Variants in TBC1D1 observed in about 807,000 individuals in gnomAD.
TBC1D1 encodes the protein TBC1 (tre-2/USP6, BUB2, cdc16) domain family, member 1.
Under a neutral mutation model 125.6 loss-of-function variants are expected in TBC1D1, and 89 were observed. The ratio of observed to expected loss-of-function variants is 0.71; its 90% CI spans 0.60 to 0.85. The LOEUF (loss-of-function observed/expected upper bound fraction) is 0.85, where lower values mean the gene tolerates loss of function less well. Among genes scored for constraint, TBC1D1 ranks in the 40% least tolerant of loss-of-function variants. The pLI is 0.00. For missense variants in TBC1D1, 1,377 were observed against 1,469.2 expected (o/e 0.94, Z 1.03); for synonymous variants, 565 against 564.1 (o/e 1.00, Z -0.02).
intron 8 of TBC1D1, among the ~76,000 whole-genome samples, chr4:38,041,249 A>T (rs1383235872): frequency 6.6e-6 from 1 of 152,272 alleles, no homozygotes; most frequent in Non-Finnish European, 1.5e-5. Context: ...ACCTAACAGC[A>T]GTAGAATGAG....
chr4:38,133,733 T>C (rs150175734), intron 19 of TBC1D1, among the ~76,000 whole-genome samples: 139 of 152,320 alleles, frequency 9.1e-4, no homozygotes, highest in African/African-American at 3.1e-3. Flanking sequence ...TACAAAGATT[T>C]GATTAATGAA....
At chr4:38,045,961 A>G (rs1749361899) in intron 10 of TBC1D1, 58 bp downstream of exon 10, 2 of 1,449,460 alleles carry the variant, frequency 1.4e-6, no homozygotes, top group Middle Eastern at 1.7e-4. Context: ...GGTCTTGCTC[A>G]TCTCCTGTCT....
chr4:38,128,943 G>A (rs12504099), intron 18 of TBC1D1, among the ~76,000 whole-genome samples: 31,384 of 152,150 alleles, frequency 0.21, 3,522 homozygotes, highest in Non-Finnish European at 0.24. Flanking sequence ...GGAAGAAAAA[G>A]AGGAAGGGTG....
chr4:38,051,983 C>T (rs546203555), intron 11 of TBC1D1: 52 of 1,550,908 alleles, frequency 3.4e-5, no homozygotes, highest in South Asian at 2.3e-4. Flanking sequence ...TTAACCCCTC[C>T]GCCTCCTCGC....
chr4:38,090,276 CTG>C (rs1374111343), intron 13 of TBC1D1, among the ~76,000 whole-genome samples, 159 bp downstream of exon 15: 3 of 152,212 alleles, frequency 2.0e-5, no homozygotes, highest in African/African-American at 7.2e-5. Flanking sequence ...AATATTAACA[CTG>C]TTTACTTTCT....
chr4:38,110,224 G>T (rs1466272030), intron 15 of TBC1D1: 1 of 985,322 alleles, frequency 1.0e-6, no homozygotes, highest in Non-Finnish European at 1.2e-6. Context: ...CTTGAGATGG[G>T]ATGGGGTTTC....
chr4:38,007,419 A>AT (rs1224528222), intron 2 of TBC1D1, among the ~76,000 whole-genome samples: 1 of 151,748 alleles, frequency 6.6e-6, no homozygotes, highest in Admixed American at 6.6e-5. Flanking sequence ...CGCCTGGTTA[A>AT]TTTTTGTATC....
Position 38,014,646 on chromosome 4 carries a change from C to T in TBC1D1, c.555C>T (p.His185=). 1 of 1,613,312 alleles carries T rather than the reference C, an allele frequency of 6.2e-7. No individual in the cohort carries two copies. Among genetic ancestry groups the T allele is most frequent in the Non-Finnish European group, 8.5e-7 (1 of 1,180,028 alleles). Residue 185 remains histidine (H), a synonymous_variant, in exon 3 of 20, where the codon CAC becomes CAT. Coordinates refer to ENST00000261439, the MANE Select transcript of TBC1D1 (RefSeq NM_015173.4). The surrounding 1 kb of genome is among the most constrained non-coding windows in gnomAD (Gnocchi z 5.1). ...TCTGCGGCCGCGTGACGGTGGCGCA[C>T]AAGAAGGCTCCGCCGGCCCTGATCG...
At chr4:37,953,247 A>G (rs1728251488) in intron 2 of TBC1D1, among the ~76,000 whole-genome samples, 1 of 152,238 alleles carries the variant, frequency 6.6e-6, no homozygotes, top group South Asian at 2.1e-4. Context: ...TCTTGGACAG[A>G]TAAGAGAGAA....
At chr4:37,994,948 T>C (rs932463338) in intron 2 of TBC1D1, among the ~76,000 whole-genome samples, 5 of 135,390 alleles carry the variant, frequency 3.7e-5, no homozygotes, top group Non-Finnish European at 8.0e-5. Context: ...GCTTCTTTTT[T>C]GTTTTTTTTG....
chr4:37,941,970 C>T (rs1238448085), intron 2 of TBC1D1, among the ~76,000 whole-genome samples: 15 of 152,082 alleles, frequency 9.9e-5, no homozygotes, highest in Admixed American at 2.0e-4. Flanking sequence ...GGAATAAGTG[C>T]GATGTGGTGC....
intron 5 of TBC1D1, among the ~76,000 whole-genome samples, chr4:38,021,102 G>A (rs1043847691): frequency 1.3e-5 from 2 of 152,196 alleles, no homozygotes; most frequent in Admixed American, 6.5e-5. Context: ...GTTCCACATG[G>A]CCAGCGAGGC....
chr4:37,941,429 T>C (rs1725544003), intron 2 of TBC1D1, among the ~76,000 whole-genome samples: 2 of 152,206 alleles, frequency 1.3e-5, no homozygotes, highest in Non-Finnish European at 2.9e-5. Flanking sequence ...TCTTTATTAG[T>C]CTTGCTAGCG....
chr4:38,087,845 C>CAA (rs1215951890), intron 12 of TBC1D1, among the ~76,000 whole-genome samples: 17 of 67,846 alleles, frequency 2.5e-4, no homozygotes, highest in East Asian at 3.4e-4. Context: ...GATTCCGTCT[C>CAA]AAAAAAAAAA....
At chr4:37,940,735 G>T (rs1182036397) in intron 2 of TBC1D1, among the ~76,000 whole-genome samples, 4 of 152,116 alleles carry the variant, frequency 2.6e-5, no homozygotes, top group Non-Finnish European at 5.9e-5. Flanking sequence ...TAGCATGAAG[G>T]GCTGTTGAAT....
intron 2 of TBC1D1, among the ~76,000 whole-genome samples, chr4:37,941,290 G>A (rs1725510711): frequency 6.6e-6 from 1 of 152,168 alleles, no homozygotes; most frequent in Admixed American, 6.5e-5. Context: ...ATTTCTTCTA[G>A]ATTTTCTAGC....
chr4:37,928,112 A>G (rs1414721338), intron 2 of TBC1D1, among the ~76,000 whole-genome samples: 1 of 152,150 alleles, frequency 6.6e-6, no homozygotes, highest in Non-Finnish European at 1.5e-5. Flanking sequence ...TAATAGTATC[A>G]CTATCTTGGG....
intron 6 of TBC1D1, among the ~76,000 whole-genome samples, chr4:38,025,605 CT>C (rs1284901894): frequency 6.6e-6 from 1 of 152,198 alleles, no homozygotes; most frequent in African/African-American, 2.4e-5. Context: ...TCTAACTCTT[CT>C]TAAGCCTTGG....
chr4:37,947,359 G>A (rs1000212992), intron 2 of TBC1D1, among the ~76,000 whole-genome samples: 1 of 152,104 alleles, frequency 6.6e-6, no homozygotes, highest in Non-Finnish European at 1.5e-5. Flanking sequence ...CTTTCACTAT[G>A]TTGGCCAGGC....
Sources: gnomAD v4.1 joint callset for allele counts (sites outside exome capture counted in the v4.1 genomes callset) on GRCh38, gnomAD v4.1.1 for gene constraint, Gnocchi (gnomAD v3.1) non-coding constraint, MANE v1.5 for transcripts, NCBI Gene and HGNC (gene_info 2026-07-23, HGNC 2026-07-21) for gene names.